The following CNTNAP4 variants were observed in gnomAD, a reference collection of about 807,000 sequenced individuals.
The protein encoded by CNTNAP4 is contactin associated protein family member 4, also known as contactin-associated protein-like 4.
A neutral mutation model predicts 148.4 loss-of-function variants in CNTNAP4; 98 were observed. The ratio of observed to expected loss-of-function variants is 0.66; its 90% CI spans 0.56 to 0.78. The LOEUF (loss-of-function observed/expected upper bound fraction) is 0.78, where lower values mean the gene tolerates loss of function less well. CNTNAP4 is among the 30% of genes least tolerant of loss of function. CNTNAP4 has a pLI of 0.00. For missense variants in CNTNAP4, 1,935 were observed against 1,565.6 expected (o/e 1.24, Z -3.98); for synonymous variants, 730 against 565.1 (o/e 1.29, Z -4.14).
chr16:76,281,134 A>G (rs1020426290), intron 1 of CNTNAP4, among the ~76,000 whole-genome samples: 18 of 152,134 alleles, frequency 1.2e-4, no homozygotes, highest in African/African-American at 2.2e-4. Flanking sequence ...GCCTAAGTAG[A>G]TGATCACTCT....
chr16:76,448,650 G>A, intron 5 of CNTNAP4, 117 bp from the exon 6 acceptor site: 3 of 684,756 alleles, frequency 4.4e-6, no homozygotes, highest in South Asian at 4.9e-5. Context: ...TATTTGAAAC[G>A]GAATGCGTAG....
intron 3 of CNTNAP4, 135 bp from the exon 4 acceptor site, chr16:76,427,317 A>G: frequency 8.1e-6 from 5 of 616,014 alleles, no homozygotes; most frequent in Non-Finnish European, 1.3e-5. Flanking sequence ...ATAACTGTTA[A>G]TGTGATTTTC....
chr16:76,523,142 T>C (rs1004438229), intron 17 of CNTNAP4, among the ~76,000 whole-genome samples: 20 of 152,090 alleles, frequency 1.3e-4, no homozygotes, highest in Admixed American at 7.2e-4. Context: ...TTTATTATGA[T>C]ACCAGGAATG....
chr16:76,494,355 G>C (rs1382378163), intron 13 of CNTNAP4, among the ~76,000 whole-genome samples: 2 of 152,118 alleles, frequency 1.3e-5, no homozygotes, highest in African/African-American at 2.4e-5. Context: ...TTAAATGGAA[G>C]ATAAAATATA....
At chr16:76,396,065 TAAA>T (rs1332246601) in intron 3 of CNTNAP4, among the ~76,000 whole-genome samples, 19 of 152,016 alleles carry the variant, frequency 1.2e-4, no homozygotes, top group Admixed American at 1.2e-3. Flanking sequence ...TGGTGAAAAA[TAAA>T]ATAATCTGGA....
chr16:76,393,146 G>A (rs543053432), intron 3 of CNTNAP4, among the ~76,000 whole-genome samples: 7 of 152,178 alleles, frequency 4.6e-5, no homozygotes, highest in African/African-American at 1.7e-4. Flanking sequence ...TTTTCCATTA[G>A]GAAACCAACA....
rs1456072364 is a variant in CNTNAP4, at chr16:76,467,422, C to T, written c.1554C>T (p.Leu518=). The T allele has an allele frequency of 2.5e-6, 4 of 1,613,886 alleles. No homozygotes were observed. Among genetic ancestry groups the T allele is most frequent in the Middle Eastern group, 1.6e-4 (1 of 6,062 alleles). Residue 518 remains leucine (L), a synonymous_variant, in exon 10 of 24, where the codon CTC becomes CTT. Coordinates refer to ENST00000611870, the MANE Select transcript of CNTNAP4 (RefSeq NM_033401.5). ...GTGGATTTCAGGGATGTATGAGGCTCATTTCTATCAGCGGCAAAGTGGTAG... is the reference window on the plus strand; with the variant it reads ...GTGGATTTCAGGGATGTATGAGGCTTATTTCTATCAGCGGCAAAGTGGTAG... ...PLGGFQGCMR[L]ISISGKVVDL...
At chr16:76,344,705 T>C (rs574468592) in intron 2 of CNTNAP4, among the ~76,000 whole-genome samples, 1 of 152,258 alleles carries the variant, frequency 6.6e-6, no homozygotes, top group African/African-American at 2.4e-5. Context: ...ATTTGTTGTT[T>C]AGTCCAGAGA....
chr16:76,488,130 G>A (rs1376022736), intron 12 of CNTNAP4, among the ~76,000 whole-genome samples: 2 of 152,152 alleles, frequency 1.3e-5, no homozygotes, highest in Non-Finnish European at 2.9e-5. Context: ...AGCCAAGGTT[G>A]AGTTGGCTGA....
intron 2 of CNTNAP4, among the ~76,000 whole-genome samples, chr16:76,326,203 A>C (rs368480824): frequency 1.5e-4 from 23 of 152,342 alleles, no homozygotes; most frequent in Non-Finnish European, 1.8e-4. Flanking sequence ...CTGTTGCATG[A>C]ATATAAATGC....
At chr16:76,540,204 T>C (rs1275575215) in intron 20 of CNTNAP4, among the ~76,000 whole-genome samples, 3 of 152,170 alleles carry the variant, frequency 2.0e-5, no homozygotes, top group African/African-American at 7.2e-5. Context: ...AATATCAGAA[T>C]TTTTGTTAAT....
chr16:76,426,511 A>G (rs1327117969), intron 3 of CNTNAP4, among the ~76,000 whole-genome samples: 1 of 152,200 alleles, frequency 6.6e-6, no homozygotes, highest in Admixed American at 6.5e-5. Flanking sequence ...ATTATTGAGA[A>G]CAACTTCTGC....
At chr16:76,506,231 C>G (rs1443666930) in intron 15 of CNTNAP4, among the ~76,000 whole-genome samples, 3 of 95,700 alleles carry the variant, frequency 3.1e-5, no homozygotes, top group African/African-American at 7.8e-5. Flanking sequence ...GTCTTTTAGA[C>G]CAACAGTTCC....
At chr16:76,306,238 C>A (rs1292911150) in intron 1 of CNTNAP4, among the ~76,000 whole-genome samples, 2 of 152,174 alleles carry the variant, frequency 1.3e-5, no homozygotes, top group Non-Finnish European at 2.9e-5. Flanking sequence ...ATCTAAACTG[C>A]TTTCTACAGT....
At chr16:76,460,632 A>G (rs1483025899) in intron 8 of CNTNAP4, among the ~76,000 whole-genome samples, 1 of 147,632 alleles carries the variant, frequency 6.8e-6, no homozygotes, top group Non-Finnish European at 1.5e-5. Flanking sequence ...GCGTGGTGGC[A>G]AGCGCCTGTA....
intron 2 of CNTNAP4, among the ~76,000 whole-genome samples, chr16:76,320,285 A>G (rs1962269208): frequency 1.3e-5 from 2 of 152,224 alleles, no homozygotes; most frequent in Non-Finnish European, 2.9e-5. Context: ...GAGCTTTCCA[A>G]GCAAAATAGA....
intron 13 of CNTNAP4, among the ~76,000 whole-genome samples, chr16:76,493,374 A>G (rs1187244481): frequency 6.6e-6 from 1 of 152,112 alleles, no homozygotes; most frequent in African/African-American, 2.4e-5. Context: ...GTCATTTAGG[A>G]AAGTAATTAT....
intron 12 of CNTNAP4, among the ~76,000 whole-genome samples, chr16:76,480,049 G>T (rs2143663105): frequency 6.6e-6 from 1 of 152,184 alleles, no homozygotes; most frequent in South Asian, 2.1e-4. Flanking sequence ...TTAGTTTATA[G>T]TGGAATTTGA....
intron 8 of CNTNAP4, among the ~76,000 whole-genome samples, chr16:76,455,778 ACTC>A (rs1303661959): frequency 6.6e-6 from 1 of 151,966 alleles, no homozygotes; most frequent in African/African-American, 2.4e-5. Flanking sequence ...CCTTTGCTGA[ACTC>A]CTACCCTATA....
Sources: gnomAD v4.1 joint callset for allele counts (sites outside exome capture counted in the v4.1 genomes callset) on GRCh38, gnomAD v4.1.1 for gene constraint, MANE v1.5 for transcripts, NCBI Gene and HGNC (gene_info 2026-07-23, HGNC 2026-07-21) for gene names.